FN1: variants seen among roughly 807,000 people sequenced by gnomAD.
FN1 encodes fibronectin.
In FN1, 106 loss-of-function variants were observed where a neutral mutation model predicts 297.3. The ratio of observed to expected loss-of-function variants is 0.36; its 90% CI spans 0.30 to 0.42. The LOEUF is 0.42. Ranked by LOEUF, FN1 falls within the 10% of genes least tolerant of loss-of-function variation. FN1 has a pLI of 1.00. For synonymous variants in FN1, 1,149 were observed against 1,152.6 expected (o/e 1.00, Z 0.06); for missense variants, 2,690 against 3,124.9 (o/e 0.86, Z 3.32).
At chr2:215,434,890 T>C in intron 1 of FN1, 66 bp from the exon 2 acceptor site, 1 of 1,555,266 alleles carries the variant, frequency 6.4e-7, no homozygotes, top group Admixed American at 1.7e-5. Flanking sequence ...TGGAATTTTC[T>C]TCATGTGAAT....
At chr2:215,428,158 C>T (rs760516659) in intron 6 of FN1, 22 bp downstream of exon 6, 2 of 1,613,468 alleles carry the variant, frequency 1.2e-6, no homozygotes, top group Non-Finnish European at 1.7e-6. Flanking sequence ...CATTTCCCGC[C>T]CCTGCTCGTC....
chr2:215,434,319 C>T (rs534410789), intron 2 of FN1, among the ~76,000 whole-genome samples: 4 of 152,240 alleles, frequency 2.6e-5, no homozygotes, highest in South Asian at 2.1e-4. Context: ...AATCATTTTA[C>T]GATGTAAGTC....
intron 23 of FN1, among the ~76,000 whole-genome samples, chr2:215,396,256 G>T (rs1269008794): frequency 6.6e-6 from 1 of 152,054 alleles, no homozygotes; most frequent in Non-Finnish European, 1.5e-5. Context: ...AACATTAATT[G>T]GAACTTTTAT....
At chr2:215,434,934 C>T (rs2067204308) in intron 1 of FN1, 110 bp from the exon 2 acceptor site, 2 of 1,253,380 alleles carry the variant, frequency 1.6e-6, no homozygotes, top group African/African-American at 3.0e-5. Context: ...TTTAACTTTG[C>T]TAAAAGTTAT....
chr2:215,381,004 C>T lies in FN1; in HGVS notation c.5241G>A (p.Gln1747=), dbSNP rs775295511. ...TCACCCTGTACCTGGAAACTTGCCC[C>T]TGTGGGCTTTCCCAAGCAATTTTGA... ...DSIKIAWESP[Q]GQVSRYRVTY... The change falls in exon 33 of 46, where the codon CAG becomes CAA. Residue 1747 remains glutamine, a synonymous_variant. Transcript: ENST00000354785. 1.2e-6 allele frequency: 2 copies of T among 1,614,252 alleles called. No individual in the cohort carries two copies. The highest frequency in any genetic ancestry group is 8.5e-7 in the Non-Finnish European group (1 of 1,180,040).
rs1443116535 is a variant in FN1, at chr2:215,392,644, A to G, written c.4069+287T>C. The G allele has an allele frequency of 6.9e-6, 3 of 435,018 alleles. No individual in the cohort carries two copies. In the Admixed American group the frequency reaches 1.1e-4, roughly 16 times the overall value. 26.9% of individuals were successfully genotyped at this position (435,018 alleles called of 1,614,324 possible). A position where few individuals can be genotyped will look rare whatever the true frequency, so the allele number is the denominator to read the frequency against. ...TAAGACGAAAAATTCTAGGTCTTCA[A>G]ATTGAATGAACATTTGCTATTTTAT... On this transcript the variant is annotated intron_variant, in intron 25 of 45. Coordinates refer to ENST00000354785, the MANE Select transcript of FN1 (RefSeq NM_212482.4).
At chr2:215,420,279 C>T (rs1424898503) in intron 11 of FN1, among the ~76,000 whole-genome samples, 3 of 151,592 alleles carry the variant, frequency 2.0e-5, no homozygotes, top group Non-Finnish European at 4.4e-5. Flanking sequence ...GCAGAGGTTG[C>T]AGTGAGCCGA....
At chr2:215,375,180 A>T (rs1469791601) in intron 38 of FN1, 34 bp downstream of exon 38, 1 of 1,606,680 alleles carries the variant, frequency 6.2e-7, no homozygotes, top group South Asian at 1.1e-5. Context: ...CCTAGGTAGT[A>T]AGAAGGAAAA....
At chr2:215,414,390 G>C (rs2063128667) in intron 13 of FN1, among the ~76,000 whole-genome samples, 1 of 151,778 alleles carries the variant, frequency 6.6e-6, no homozygotes, top group Non-Finnish European at 1.5e-5. Context: ...TTTTAAAAAT[G>C]ATCACTTAAA....
At chr2:215,418,760 C>T (rs182624232) in intron 12 of FN1, among the ~76,000 whole-genome samples, 9 of 152,258 alleles carry the variant, frequency 5.9e-5, no homozygotes, top group Admixed American at 5.9e-4. Flanking sequence ...TACTGTGTTC[C>T]TGGTGGCAAC....
At chr2:215,409,046 T>C (rs750402171) in intron 15 of FN1, among the ~76,000 whole-genome samples, 18 of 152,188 alleles carry the variant, frequency 1.2e-4, no homozygotes, top group East Asian at 1.9e-4. Flanking sequence ...GTAGTGATTA[T>C]TGGCGGAAGA....
Position 215,370,380 on chromosome 2 carries a change from C to T in FN1, c.6767G>A (p.Gly2256Asp), listed in dbSNP as rs778284145. The change falls in exon 41 of 46, where the codon GGT becomes GAT. Residue 2256 changes from glycine to aspartate, a missense_variant. By Grantham distance (94) the Gly-to-Asp change is moderately conservative (BLOSUM62 -1). Coordinates refer to ENST00000354785, the MANE Select transcript of FN1 (RefSeq NM_212482.4). ...CTCCACTATGACGTTGTAGGTGGCA[C>T]CTCTGGTGAGGCCTGTCAGAGTGGC... ...TSATLTGLTRGATYNVIVEAL... is the reference protein window; with the variant it reads ...TSATLTGLTRDATYNVIVEAL... 3.7e-6 allele frequency: 6 copies of T among 1,613,746 alleles called. No individual in the cohort carries two copies. In the Admixed American group the frequency reaches 6.7e-5, roughly 18 times the overall value.
chr2:215,362,065 G>C lies in FN1; in HGVS notation c.7266C>G (p.Asp2422Glu), dbSNP rs150636748. 1 of 1,613,932 alleles carries C rather than the reference G, an allele frequency of 6.2e-7. No homozygotes were observed. Among genetic ancestry groups the C allele is most frequent in the Middle Eastern group, 1.7e-4 (1 of 6,052 alleles). The change falls in exon 45 of 46, where the codon GAC becomes GAG. Residue 2422 changes from aspartate (D) to glutamate (E), a missense_variant. Asp to Glu is a conservative substitution (Grantham distance 45). Coordinates refer to ENST00000354785, the MANE Select transcript of FN1 (RefSeq NM_212482.4). The part of the protein sequence containing the change: ...CFGGQRGWRC[D>E]NCRRPGGEPS... Reference sequence around the variant, plus strand: ...GTTCACCCCCAGGTCTGCGGCAGTTGTCACAGCGCCAGCCCTGAGAGAGTA... The same window carrying C: ...GTTCACCCCCAGGTCTGCGGCAGTTCTCACAGCGCCAGCCCTGAGAGAGTA...
intron 20 of FN1, among the ~76,000 whole-genome samples, chr2:215,399,610 T>G (rs1489840813): frequency 2.0e-5 from 3 of 152,092 alleles, no homozygotes; most frequent in African/African-American, 4.8e-5. Context: ...GAGTTTGCAT[T>G]TCTGACAAAC....
chr2:215,368,111 C>T, intron 41 of FN1, 84 bp from the exon 42 acceptor site: 1 of 1,375,784 alleles, frequency 7.3e-7, no homozygotes, highest in Admixed American at 1.8e-5. Flanking sequence ...TGACTGTATA[C>T]AATGACTTAA....
intron 12 of FN1, among the ~76,000 whole-genome samples, chr2:215,415,656 A>C (rs1215172765): frequency 6.6e-6 from 1 of 152,164 alleles, no homozygotes; most frequent in East Asian, 1.9e-4. Flanking sequence ...ATCAGTTGTC[A>C]ACAGAAATGA....
At chr2:215,412,342 T>G (rs1236384801) in intron 13 of FN1, among the ~76,000 whole-genome samples, 1 of 152,192 alleles carries the variant, frequency 6.6e-6, no homozygotes, top group Non-Finnish European at 1.5e-5. Flanking sequence ...TGGTCTTGCC[T>G]CCATGTAGAC....
chr2:215,414,736 T>G (rs1404789319), intron 13 of FN1, 101 bp downstream of exon 13: 1 of 1,559,618 alleles, frequency 6.4e-7, no homozygotes, highest in Non-Finnish European at 8.7e-7. Flanking sequence ...ATAGGAATAG[T>G]TAATCAGAGT....
At chr2:215,427,703 T>C (rs1407392420) in intron 6 of FN1, among the ~76,000 whole-genome samples, 1 of 152,230 alleles carries the variant, frequency 6.6e-6, no homozygotes, top group Non-Finnish European at 1.5e-5. Flanking sequence ...AAGAGTTCAA[T>C]GTCGGGACAG....
Sources: allele counts gnomAD v4.1 joint callset (sites outside exome capture counted in the v4.1 genomes callset), GRCh38; gene constraint gnomAD v4.1.1; transcripts MANE v1.5; gene names NCBI Gene and HGNC (gene_info 2026-07-23, HGNC 2026-07-21).